MARK3: variants seen among roughly 807,000 people sequenced by gnomAD.
MARK3 encodes MAP/microtubule affinity-regulating kinase 3.
Under a neutral mutation model 90.1 loss-of-function variants are expected in MARK3, and 46 were observed. That is an observed-to-expected ratio of 0.51 (90% confidence interval 0.40 to 0.65). The LOEUF (loss-of-function observed/expected upper bound fraction) is 0.65, where lower values mean the gene tolerates loss of function less well. Among genes scored for constraint, MARK3 ranks in the 30% least tolerant of loss-of-function variants. The pLI, the probability that MARK3 is intolerant of heterozygous loss-of-function variation, is 0.00. For synonymous variants in MARK3, 321 were observed against 332.6 expected (o/e 0.97, Z 0.38); for missense variants, 818 against 947.2 (o/e 0.86, Z 1.79).
Position 103,502,984 on chromosome 14 carries a change from G to C in MARK3, c.2019G>C (p.Gly673=), listed in dbSNP as rs771435375. The C allele has an allele frequency of 6.2e-7, 1 of 1,614,214 alleles. No individual in the cohort carries two copies. The highest frequency in any genetic ancestry group is 1.1e-5 in the South Asian group (1 of 91,076). Residue 673 remains glycine (G), a synonymous_variant, in exon 18 of 18, where the codon GGG becomes GGC. Transcript: ENST00000429436. ...SMKTTSSMDP[G]DMMREIRKVL... ...AAACCACTAGTTCAATGGATCCCGG[G>C]GACATGATGCGGGAAATCCGCAAAG...
intron 12 of MARK3, among the ~76,000 whole-genome samples, chr14:103,469,808 A>G (rs1037926579): frequency 3.9e-5 from 6 of 151,910 alleles, no homozygotes; most frequent in Non-Finnish European, 8.8e-5. Context: ...CATGCCTGTA[A>G]TTCCAGCACC....
At chr14:103,446,252 C>T (rs999472109) in intron 3 of MARK3, among the ~76,000 whole-genome samples, 6 of 152,262 alleles carry the variant, frequency 3.9e-5, no homozygotes, top group Admixed American at 1.3e-4. Context: ...TGTGGCCAGG[C>T]GCGGTGGCTC....
At chr14:103,432,162 G>A (rs1260009513) in intron 3 of MARK3, among the ~76,000 whole-genome samples, 3 of 152,132 alleles carry the variant, frequency 2.0e-5, no homozygotes, top group Non-Finnish European at 4.4e-5. Flanking sequence ...CTTTTCAATG[G>A]AGAATTCATC....
rs1201722429 is a variant in MARK3 at position 103,491,824 on chromosome 14, G to C, written c.1634G>C (p.Ser545Thr). ...CCAGTTGCTTCAACACACAGTATCAGTAGTGCAGCCACCCCAGATCGAATC... is the reference window on the plus strand; with the variant it reads ...CCAGTTGCTTCAACACACAGTATCACTAGTGCAGCCACCCCAGATCGAATC... ...RTPVASTHSI[S>T]SAATPDRIRF... The change falls in exon 15 of 18, where the codon AGT (serine) becomes ACT (threonine). Residue 545 changes from serine (S) to threonine (T), a missense_variant. Physicochemically the swap from Ser to Thr is moderately conservative, Grantham distance 58 (BLOSUM62 1). This residue lies in a region of MARK3 where 560 missense variants were observed against 613.5 expected (regional missense o/e 0.91). Coordinates refer to ENST00000429436, the MANE Select transcript of MARK3 (RefSeq NM_001128918.3). 3 of 1,614,130 alleles carry C rather than the reference G, an allele frequency of 1.9e-6. No individual in the cohort carries two copies. The South Asian group carries it at 3.3e-5, about 18-fold the overall frequency.
intron 1 of MARK3, among the ~76,000 whole-genome samples, chr14:103,386,755 G>GAC (rs1566744795): frequency 1.3e-5 from 2 of 152,216 alleles, no homozygotes; most frequent in Non-Finnish European, 2.9e-5. Context: ...CTAGCTGAGG[G>GAC]ACACCCGCTG....
intron 5 of MARK3, among the ~76,000 whole-genome samples, chr14:103,452,871 G>A (rs1198499613): frequency 6.6e-6 from 1 of 152,174 alleles, no homozygotes; most frequent in Non-Finnish European, 1.5e-5. Context: ...TTTTAAGGCC[G>A]AATAATACTC....
chr14:103,425,449 G>A (rs1329693259), intron 2 of MARK3, among the ~76,000 whole-genome samples: 3 of 151,858 alleles, frequency 2.0e-5, no homozygotes, highest in African/African-American at 7.3e-5. Flanking sequence ...TTTTAGTAGA[G>A]ACGGGGTTTC....
chr14:103,486,537 A>T (rs1212667931), intron 14 of MARK3, among the ~76,000 whole-genome samples: 1 of 152,204 alleles, frequency 6.6e-6, no homozygotes, highest in Non-Finnish European at 1.5e-5. Context: ...TAATGCTGCT[A>T]CTGTTTTGCT....
At chr14:103,471,953 G>A (rs1217875859) in intron 12 of MARK3, among the ~76,000 whole-genome samples, 1 of 152,198 alleles carries the variant, frequency 6.6e-6, no homozygotes, top group Non-Finnish European at 1.5e-5. Flanking sequence ...GCTCATGCCT[G>A]TAATCCCAGC....
At position 103,421,448 on chromosome 14, in the gene MARK3, A is replaced by C. The variant is rs145793075; in HGVS notation, c.244-6939A>C. ...TCAGGAAAAATCACAGGCTTTCCTC[A>C]TTTGTGTGATTTTTTTATTTTGTTC... On this transcript the variant is annotated intron_variant, in intron 2 of 17. Transcript: ENST00000429436. Among the ~76,000 whole-genome samples the C allele has an allele frequency of 2.0e-5, 3 of 152,256 alleles. No homozygotes were observed. The East Asian group carries it at 5.8e-4, about 29-fold the overall frequency.
intron 1 of MARK3, among the ~76,000 whole-genome samples, chr14:103,393,248 A>G (rs1398094922): frequency 5.3e-5 from 8 of 152,112 alleles, no homozygotes; most frequent in Non-Finnish European, 1.2e-4. Context: ...CGGCCTCCCA[A>G]AGTGCTGGAA....
chr14:103,422,586 A>T (rs887178147), intron 2 of MARK3, among the ~76,000 whole-genome samples: 1 of 152,154 alleles, frequency 6.6e-6, no homozygotes, highest in African/African-American at 2.4e-5. Context: ...TGTGACCCAC[A>T]CCCTAGAAGC....
intron 1 of MARK3, among the ~76,000 whole-genome samples, chr14:103,390,019 C>T (rs375448595): frequency 1.0e-4 from 15 of 147,054 alleles, no homozygotes; most frequent in African/African-American, 3.5e-4. Flanking sequence ...GAGGCCGAGG[C>T]GGGCAGATCA....
chr14:103,432,598 C>G (rs530245821), intron 3 of MARK3, among the ~76,000 whole-genome samples: 1 of 152,236 alleles, frequency 6.6e-6, no homozygotes, highest in African/African-American at 2.4e-5. Flanking sequence ...CTCCTGTAAT[C>G]CCAGCACTTG....
At position 103,447,696 on chromosome 14, in the gene MARK3, A is replaced by G. The variant is rs538384972; in HGVS notation, c.298-1223A>G. ...TAAGAACCTGCTCTGAATTCACAAC[A>G]TGTATTTATACAACAGCAATTTAAT... On this transcript the variant is annotated intron_variant, in intron 3 of 17. Coordinates refer to ENST00000429436, the MANE Select transcript of MARK3 (RefSeq NM_001128918.3). Among the ~76,000 whole-genome samples, 14 of 152,256 alleles carry G rather than the reference A, an allele frequency of 9.2e-5. No homozygotes were observed. In the East Asian group the frequency reaches 2.7e-3, roughly 29 times the overall value.
intron 14 of MARK3, 105 bp downstream of exon 14, chr14:103,480,595 A>G: frequency 1.5e-6 from 1 of 667,256 alleles, no homozygotes; most frequent in South Asian, 2.0e-5. Flanking sequence ...TTAAAACTGT[A>G]AGTATTCTCT....
chr14:103,472,920 C>T (rs966873018), intron 12 of MARK3, among the ~76,000 whole-genome samples: 3 of 149,462 alleles, frequency 2.0e-5, no homozygotes, highest in South Asian at 2.1e-4. Context: ...GCAGGAGAAT[C>T]GCTTGAACCT....
At chr14:103,418,468 A>T (rs2140928732) in intron 2 of MARK3, among the ~76,000 whole-genome samples, 1 of 152,120 alleles carries the variant, frequency 6.6e-6, no homozygotes, top group South Asian at 2.1e-4. Flanking sequence ...TGGTGCTTTT[A>T]TTGAAGACCC....
At chr14:103,500,285 C>G in intron 17 of MARK3, 85 bp downstream of exon 17, 1 of 1,001,544 alleles carries the variant, frequency 1.0e-6, no homozygotes, top group Non-Finnish European at 1.5e-6. Flanking sequence ...TGAATGTTCC[C>G]TACTGTATTC....
Sources: gnomAD v4.1 joint callset for allele counts (sites outside exome capture counted in the v4.1 genomes callset) on GRCh38, gnomAD v4.1.1 for gene constraint, gnomAD v4.1.1 regional missense constraint, MANE v1.5 for transcripts, NCBI Gene and HGNC (gene_info 2026-07-23, HGNC 2026-07-21) for gene names.